PCDHA5: variants seen among roughly 807,000 people sequenced by gnomAD.
PCDHA5 encodes the protein protocadherin alpha 5.
A neutral mutation model predicts 61.6 loss-of-function variants in PCDHA5; 43 were observed. That is an observed-to-expected ratio of 0.70 (90% CI 0.55 to 0.90). The LOEUF is 0.90. Among genes scored for constraint, PCDHA5 ranks in the 40% least tolerant of loss-of-function variants. The pLI is 0.00. For missense variants in PCDHA5, 1,298 were observed against 1,222.7 expected (o/e 1.06, Z -0.92); for synonymous variants, 627 against 543.9 (o/e 1.15, Z -2.13).
rs549678873 is a variant in PCDHA5, at chr5:140,877,710, G to GA, written c.2352+53584dup. ...CGCTGGTGTGCTCCAGCGCCGTGGG[G>GA]AGTTGGTCTTACTCGCAGCAGAGGA... is the stretch of plus-strand genomic sequence containing the variant. On this transcript the variant is annotated intron_variant, in intron 1 of 3. Transcript: ENST00000529859. 3.7e-5 allele frequency: 60 copies of GA among 1,614,098 alleles called. 1 individual carries two copies. The Admixed American group carries it at 8.2e-4, about 22-fold the overall frequency.
At chr5:140,914,079 A>G (rs2076595090) in intron 1 of PCDHA5, among the ~76,000 whole-genome samples, 1 of 152,164 alleles carries the variant, frequency 6.6e-6, no homozygotes, top group South Asian at 2.1e-4. Context: ...ATAACTATCT[A>G]TTAGGTCAAT....
chr5:140,839,004 T>C (rs1554137267), intron 1 of PCDHA5, among the ~76,000 whole-genome samples: 1 of 152,116 alleles, frequency 6.6e-6, no homozygotes, highest in East Asian at 1.9e-4. Context: ...TAATATACTT[T>C]AGTAAATTAT....
rs73263815 is a variant in PCDHA5, at chr5:140,853,554, A to T, written c.2352+29427A>T. ...TCTTTTCAAGTTGTAATTACTATAT[A>T]GGAAAAACTAAGTTGTCACCCAATA... On this transcript the variant is annotated intron_variant, in intron 1 of 3. Transcript: ENST00000529859. 9,092 of 979,494 alleles carry T rather than the reference A, an allele frequency of 9.3e-3. 1,045 individuals carry two copies. In the African/African-American group the frequency reaches 0.15, roughly 16 times the overall value. The allele number at this position is 979,494 out of a possible 1,614,324, so 60.7% of individuals were successfully genotyped here.
chr5:140,845,820 T>C (rs1305062554), intron 1 of PCDHA5, among the ~76,000 whole-genome samples: 1 of 149,606 alleles, frequency 6.7e-6, no homozygotes, highest in African/African-American at 2.4e-5. Flanking sequence ...ATAATAAAAT[T>C]TAGTTATTAC....
intron 1 of PCDHA5, among the ~76,000 whole-genome samples, chr5:140,919,522 C>CT (rs1554199133): frequency 6.6e-6 from 1 of 152,000 alleles, no homozygotes; most frequent in African/African-American, 2.4e-5. Context: ...TTTTAATTCT[C>CT]TTTTTTTCCT....
intron 1 of PCDHA5, chr5:140,825,961 T>C (rs937523362): frequency 1.3e-5 from 2 of 152,362 alleles, no homozygotes; most frequent in African/African-American, 2.4e-5. Context: ...TTGTCTACTC[T>C]TTTGAGGGGA....
intron 1 of PCDHA5, among the ~76,000 whole-genome samples, chr5:140,959,366 C>A (rs1257331462): frequency 1.3e-5 from 2 of 151,552 alleles, no homozygotes; most frequent in African/African-American, 4.8e-5. Flanking sequence ...TGAGTGAGAC[C>A]CTGTCTCAAA....
intron 1 of PCDHA5, among the ~76,000 whole-genome samples, chr5:140,944,351 C>A (rs530648518): frequency 6.6e-6 from 1 of 152,198 alleles, no homozygotes; most frequent in South Asian, 2.1e-4. Context: ...CCACACCTGG[C>A]TAATTTTTAA....
intron 1 of PCDHA5, 94 bp downstream of exon 1, chr5:140,824,221 T>G: frequency 6.4e-7 from 1 of 1,560,374 alleles, no homozygotes; most frequent in South Asian, 1.1e-5. Flanking sequence ...AAAAATTATG[T>G]CTTAGTACAC....
At chr5:141,008,557 T>G (rs1394611167) in intron 3 of PCDHA5, among the ~76,000 whole-genome samples, 3 of 152,218 alleles carry the variant, frequency 2.0e-5, no homozygotes, top group African/African-American at 7.2e-5. Flanking sequence ...CTCCTGTGGA[T>G]GCATAATCAT....
chr5:140,968,058 G>A lies in PCDHA5; in HGVS notation c.2353-10891G>A, dbSNP rs532963970. On this transcript the variant is annotated intron_variant, in intron 1 of 3. Transcript: ENST00000529859. The stretch of plus-strand genomic sequence containing the variant: ...GTGAGCGGCCCACTGGACCGAGAGC[G>A]GGTGGCTGTCTACAACATCACGGTG... The A allele has an allele frequency of 1.1e-5, 18 of 1,614,088 alleles. No individual in the cohort carries two copies. The highest frequency in any genetic ancestry group is 4.0e-5 in the African/African-American group (3 of 75,026).
intron 1 of PCDHA5, chr5:140,842,263 C>T: frequency 6.2e-7 from 1 of 1,611,084 alleles, no homozygotes; most frequent in Non-Finnish European, 8.5e-7. Context: ...AACAAGAAAA[C>T]TTATACAAAA....
intron 1 of PCDHA5, chr5:140,851,440 C>T (rs1474204778): frequency 1.1e-6 from 1 of 926,576 alleles, no homozygotes; most frequent in South Asian, 4.9e-5. Flanking sequence ...AAAACAGTTG[C>T]TCCACTTTAG....
Position 140,993,501 on chromosome 5 carries a change from C to T in PCDHA5, c.2500+10938C>T, listed in dbSNP as rs560043353. Among the ~76,000 whole-genome samples, 25 of 149,100 alleles carry T rather than the reference C, an allele frequency of 1.7e-4. No homozygotes were observed. The East Asian group carries it at 3.5e-3, about 21-fold the overall frequency. ...ACACACACACACACACACACACACA[C>T]ACACACACGGGGAGAGAGAGACAGA... On this transcript the variant is annotated intron_variant, in intron 3 of 3. Transcript: ENST00000529859.
At chr5:140,958,098 G>A (rs1170347696) in intron 1 of PCDHA5, among the ~76,000 whole-genome samples, 4 of 152,088 alleles carry the variant, frequency 2.6e-5, no homozygotes, top group South Asian at 2.1e-4. Context: ...ACAATAGTGT[G>A]TAGAGTGTGG....
Position 140,857,049 on chromosome 5 carries a change from C to T in PCDHA5, c.2352+32922C>T, listed in dbSNP as rs1390810771. On this transcript the variant is annotated intron_variant, in intron 1 of 3. Coordinates refer to ENST00000529859, the MANE Select transcript of PCDHA5 (RefSeq NM_018908.3). ...AACCCACCTATGGTTGGTCACTGCA[C>T]GGTCCTAGTGGAACTACTGGATGAA... 3.1e-6 allele frequency: 5 copies of T among 1,595,184 alleles called. No homozygotes were observed. In the African/African-American group the frequency reaches 5.4e-5, roughly 17 times the overall value.
chr5:140,974,672 T>G lies in PCDHA5; in HGVS notation c.2353-4277T>G, dbSNP rs186958750. On this transcript the variant is annotated intron_variant, in intron 1 of 3. Coordinates refer to ENST00000529859, the MANE Select transcript of PCDHA5 (RefSeq NM_018908.3). ...GATTACAGGCATGCGCCACCATGCC[T>G]GGCTAATTTTGTATTTTTGGGTTTC... 4.6e-3 allele frequency among the ~76,000 whole-genome samples: 694 copies of G among 152,134 alleles called. 4 individuals are homozygous for G. Among genetic ancestry groups the G allele is most frequent in the African/African-American group, 0.016 (672 of 41,518 alleles).
intron 3 of PCDHA5, among the ~76,000 whole-genome samples, chr5:141,000,226 G>A (rs2097897321): frequency 6.6e-6 from 1 of 151,546 alleles, no homozygotes; most frequent in Non-Finnish European, 1.5e-5. Context: ...TGCCTGTGTG[G>A]AGCTGAATGT....
intron 1 of PCDHA5, among the ~76,000 whole-genome samples, chr5:140,931,548 G>C (rs2087590460): frequency 6.6e-6 from 1 of 151,968 alleles, no homozygotes; most frequent in African/African-American, 2.4e-5. Flanking sequence ...CTGTTCATAT[G>C]TGCAGGAATA....
Sources: allele counts gnomAD v4.1 joint callset (sites outside exome capture counted in the v4.1 genomes callset), GRCh38; gene constraint gnomAD v4.1.1; transcripts MANE v1.5; gene names NCBI Gene and HGNC (gene_info 2026-07-23, HGNC 2026-07-21).